Variants in PCYT1B observed in about 807,000 individuals in gnomAD.
PCYT1B encodes the protein phosphate cytidylyltransferase 1B, choline, also known as choline-phosphate cytidylyltransferase B.
Under a neutral mutation model 26.4 loss-of-function variants are expected in PCYT1B, and 10 were observed. The ratio of observed to expected loss-of-function variants is 0.38; its 90% CI spans 0.23 to 0.64. PCYT1B has a LOEUF of 0.64. Among genes scored for constraint, PCYT1B ranks in the 30% least tolerant of loss-of-function variants. The pLI, the probability that PCYT1B is intolerant of heterozygous loss-of-function variation, is 0.56. For synonymous variants in PCYT1B, 131 were observed against 108.4 expected, an observed-to-expected ratio of 1.21 and a Z score of -1.29; for missense variants, 161 against 292.7, an observed-to-expected ratio of 0.55 and a Z score of 3.28.
intron 1 of PCYT1B, 41 bp downstream of exon 1, chrX:24,646,948 C>G (rs1339912259): frequency 9.2e-7 from 1 of 1,092,028 alleles, no homozygotes; most frequent in South Asian, 1.9e-5. Flanking sequence ...CTCTTTTATG[C>G]CATAGCCACG....
intron 6 of PCYT1B, 108 bp downstream of exon 6, chrX:24,579,208 A>T: frequency 1.6e-6 from 1 of 638,303 alleles, no homozygotes; most frequent in Non-Finnish European, 2.3e-6. Flanking sequence ...AAAGAGAGAG[A>T]GAGAGGGAGA....
intron 1 of PCYT1B, among the ~76,000 whole-genome samples, chrX:24,641,851 C>T (rs1926474946): frequency 8.9e-6 from 1 of 112,001 alleles, no homozygotes; most frequent in Non-Finnish European, 1.9e-5. Context: ...CAGAGCTGTT[C>T]TAGAGTTCTA....
At chrX:24,593,414 TTCTC>T (rs1284714394) in intron 3 of PCYT1B, among the ~76,000 whole-genome samples, 2 of 96,491 alleles carry the variant, frequency 2.1e-5, no homozygotes, top group African/African-American at 4.2e-5. Context: ...CTTTCTTTCT[TTCTC>T]TCTTTCTTTC....
intron 1 of PCYT1B, among the ~76,000 whole-genome samples, chrX:24,631,080 G>A (rs1290795835): frequency 9.0e-6 from 1 of 111,364 alleles, no homozygotes; most frequent in Non-Finnish European, 1.9e-5. Flanking sequence ...CCGCCACCAT[G>A]CCCGGCTAAT....
chrX:24,671,153 C>T (rs955913085), intron 1 of PCYT1B, among the ~76,000 whole-genome samples: 14 of 110,136 alleles, frequency 1.3e-4, no homozygotes, highest in Admixed American at 5.9e-4. Flanking sequence ...TATTTTTAGT[C>T]GCGAGGGGGT....
intron 1 of PCYT1B, among the ~76,000 whole-genome samples, chrX:24,631,430 G>A (rs1265784049): frequency 7.2e-5 from 8 of 111,661 alleles, no homozygotes; most frequent in Non-Finnish European, 1.3e-4. Flanking sequence ...GGATGGGCAA[G>A]ACAATCCATT....
chrX:24,637,887 C>A (rs1360164834), intron 1 of PCYT1B, among the ~76,000 whole-genome samples: 2 of 109,463 alleles, frequency 1.8e-5, no homozygotes, highest in African/African-American at 6.7e-5. Context: ...AGACCACTAG[C>A]CTTGCATCCC....
chrX:24,604,162 C>T (rs1483859078), intron 3 of PCYT1B, among the ~76,000 whole-genome samples: 1 of 108,883 alleles, frequency 9.2e-6, no homozygotes, highest in Non-Finnish European at 1.9e-5. Context: ...TCTCGGCTCA[C>T]TGCAACCTCC....
intron 2 of PCYT1B, among the ~76,000 whole-genome samples, chrX:24,617,372 T>TTTG (rs201261541): frequency 0.012 from 311 of 25,197 alleles, 3 homozygotes; most frequent in African/African-American, 0.041. Flanking sequence ...GGTTTGTTTG[T>TTTG]TTTTTTTTTT....
chrX:24,647,388 G>C (rs113379891), upstream of PCYT1B: 23 of 491,148 alleles, frequency 4.7e-5, 1 homozygote, highest in African/African-American at 4.7e-4. Context: ...TTTGCATAGA[G>C]CGCGCTGGTT....
upstream of PCYT1B, among the ~76,000 whole-genome samples, chrX:24,651,472 AATATATATATAT>A (rs200652780): frequency 0.033 from 858 of 25,901 alleles, 62 homozygotes; most frequent in Admixed American, 0.057. Flanking sequence ...AAAAAAAAAA[AATATATATATAT>A]ATATATATAT....
intron 1 of PCYT1B, among the ~76,000 whole-genome samples, chrX:24,623,399 A>ATATATATATAT (rs1925767270): frequency 2.0e-4 from 18 of 91,491 alleles, no homozygotes; most frequent in East Asian, 3.4e-4. Flanking sequence ...ATATATATAT[A>ATATATATATAT]ACTTTAAATT....
chrX:24,667,473 T>C (rs749792488), intron 1 of PCYT1B, among the ~76,000 whole-genome samples: 26 of 111,070 alleles, frequency 2.3e-4, no homozygotes, highest in African/African-American at 7.5e-4. Context: ...TCCCGACACT[T>C]TGGGAGGCCG....
chrX:24,565,750 T>A (rs1336310814), intron 7 of PCYT1B, among the ~76,000 whole-genome samples: 1 of 108,006 alleles, frequency 9.3e-6, no homozygotes, highest in Non-Finnish European at 1.9e-5. Context: ...AACATTGACA[T>A]TTGACTACAC....
intron 1 of PCYT1B, among the ~76,000 whole-genome samples, chrX:24,666,493 T>A (rs1175378871): frequency 8.0e-5 from 9 of 111,850 alleles, no homozygotes; most frequent in Non-Finnish European, 1.7e-4. Context: ...ATTTATGACT[T>A]ACATCAATGG....
chrX:24,655,987 C>T (rs966113910), intron 1 of PCYT1B, among the ~76,000 whole-genome samples: 13 of 103,910 alleles, frequency 1.3e-4, no homozygotes, highest in African/African-American at 4.2e-4. Flanking sequence ...AAAAATTAGC[C>T]GACTGGTGGC....
chrX:24,651,472 A>AAATAT (rs1555965467), upstream of PCYT1B, among the ~76,000 whole-genome samples: 2 of 26,049 alleles, frequency 7.7e-5, no homozygotes, highest in Non-Finnish European at 1.2e-4. Flanking sequence ...AAAAAAAAAA[A>AAATAT]ATATATATAT....
intron 7 of PCYT1B, among the ~76,000 whole-genome samples, chrX:24,570,487 C>G (rs1181224605): frequency 9.1e-6 from 1 of 109,842 alleles, no homozygotes; most frequent in Non-Finnish European, 1.9e-5. Context: ...CTCTTGACCT[C>G]AGGTGATTCA....
intron 2 of PCYT1B, among the ~76,000 whole-genome samples, chrX:24,613,958 AAAAAAAAAAAAAAAAAAAAAG>A (rs1344586496): frequency 9.7e-5 from 2 of 20,521 alleles, no homozygotes; most frequent in Non-Finnish European, 1.7e-4. Context: ...GTCAAAAAAA[AAAAAAAAAAAAAAAAAAAAAG>A]AAAGAAAGAG....
Sources: allele counts gnomAD v4.1 joint callset (sites outside exome capture counted in the v4.1 genomes callset), GRCh38; gene constraint gnomAD v4.1.1; transcripts MANE v1.5; gene names NCBI Gene and HGNC (gene_info 2026-07-23, HGNC 2026-07-21).